The following AP1S3 variants were observed in gnomAD, a reference collection of about 807,000 sequenced individuals.
The protein encoded by AP1S3 is adaptor related protein complex 1 subunit sigma 3, also known as AP-1 complex subunit sigma-3.
A neutral mutation model predicts 20.9 loss-of-function variants in AP1S3; 10 were observed. The ratio of observed to expected loss-of-function variants is 0.48; its 90% CI spans 0.29 to 0.81. The LOEUF is 0.81. AP1S3 is among the 30% of genes least tolerant of loss of function. The probability of loss-of-function intolerance (pLI) is 0.08; values close to 1 mark genes in which losing one functional copy is unlikely to be tolerated. For synonymous variants in AP1S3, 41 were observed against 61.5 expected (o/e 0.67, Z 1.56); for missense variants, 154 against 183.8 (o/e 0.84, Z 0.94).
At chr2:223,800,665 C>G (rs1463265801) in intron 1 of AP1S3, among the ~76,000 whole-genome samples, 1 of 152,090 alleles carries the variant, frequency 6.6e-6, no homozygotes, top group Non-Finnish European at 1.5e-5. Context: ...TCTTAGCAAA[C>G]TAGGAAGAGA....
At position 223,756,477 on chromosome 2, in the gene AP1S3, A is replaced by G. The variant is rs763751477; in HGVS notation, c.*2238T>C. On this transcript the variant is annotated 3_prime_UTR_variant, in exon 5 of 5. Coordinates refer to ENST00000396654, the MANE Select transcript of AP1S3 (RefSeq NM_001039569.2). ...AGAAAGAAAGAAAGAAAAGAAAGAA[A>G]GAAAGAAAAAAAGAAAGAAAAAATT... is the stretch of plus-strand genomic sequence containing the variant. 3.4e-5 allele frequency: 32 copies of G among 946,138 alleles called. No individual in the cohort carries two copies. The highest frequency in any genetic ancestry group is 5.3e-4 in the Middle Eastern group (1 of 1,870). The allele number at this position is 946,138 out of a possible 1,614,324, so 58.6% of individuals were successfully genotyped here. A position where few individuals can be genotyped will look rare whatever the true frequency, so the allele number is the denominator to read the frequency against.
intron 1 of AP1S3, among the ~76,000 whole-genome samples, chr2:223,794,848 G>C (rs936369411): frequency 1.3e-5 from 2 of 152,178 alleles, no homozygotes; most frequent in African/African-American, 4.8e-5. Context: ...TTTCTGAAAA[G>C]TGGAAAGGAG....
At chr2:223,815,695 C>T (rs1691827390) in intron 1 of AP1S3, among the ~76,000 whole-genome samples, 1 of 152,184 alleles carries the variant, frequency 6.6e-6, no homozygotes, top group South Asian at 2.1e-4. Context: ...CTGTATTCCA[C>T]AGAATATAAT....
chr2:223,765,370 C>A lies in AP1S3; in HGVS notation c.292-20G>T, dbSNP rs893444184. 1 of 1,589,432 alleles carries A rather than the reference C, an allele frequency of 6.3e-7. No individual in the cohort carries two copies. The highest frequency in any genetic ancestry group is 2.3e-5 in the East Asian group (1 of 44,232). On this transcript the variant is annotated intron_variant, in intron 3 of 4. Coordinates refer to ENST00000396654, the MANE Select transcript of AP1S3 (RefSeq NM_001039569.2). Reference sequence around the variant, plus strand: ...ACAGACCTGGTGGGACAAAAACAAACGTTTTGATAAACTTGCAGTTGTATC... The same window carrying A: ...ACAGACCTGGTGGGACAAAAACAAAAGTTTTGATAAACTTGCAGTTGTATC...
intron 1 of AP1S3, among the ~76,000 whole-genome samples, chr2:223,800,213 T>TAAAAAAAAA (rs59645201): frequency 6.0e-5 from 8 of 132,816 alleles, no homozygotes; most frequent in African/African-American, 2.2e-4. Context: ...AGATTGCGTC[T>TAAAAAAAAA]AAAAAAAAAA....
intron 1 of AP1S3, among the ~76,000 whole-genome samples, chr2:223,797,823 T>C (rs962229991): frequency 3.3e-5 from 5 of 152,222 alleles, no homozygotes; most frequent in African/African-American, 1.2e-4. Flanking sequence ...CAAAGCACAC[T>C]GTGTGTGGAT....
chr2:223,778,132 G>A (rs1432112406), intron 1 of AP1S3, among the ~76,000 whole-genome samples: 1 of 149,560 alleles, frequency 6.7e-6, no homozygotes, highest in Admixed American at 6.7e-5. Context: ...TTGTTTGTTT[G>A]TTTGTTTTTT....
rs1474407383 is a variant in AP1S3 at position 223,755,554 on chromosome 2, A to C, written c.*3161T>G. On this transcript the variant is annotated 3_prime_UTR_variant, in exon 5 of 5. Transcript: ENST00000396654. ...ATTTTTTTTTTTTTTTTTTTGAGAC[A>C]GGGTCTCACTCTGTCACCCGGGCTG... Among the ~76,000 whole-genome samples, 3 of 135,920 alleles carry C rather than the reference A, an allele frequency of 2.2e-5. No individual in the cohort carries two copies. 89.2% of individuals were successfully genotyped at this position (135,920 alleles called of 152,430 possible).
rs1169493760 is a variant in AP1S3 at position 223,756,544 on chromosome 2, TA to T, written c.*2170del. ...TTAAACCACAAAACTGAAGGTTAGCTAAAGTAAACACAGTGGTCAATCATAC... is the reference window on the plus strand; with the variant it reads ...TTAAACCACAAAACTGAAGGTTAGCTAAGTAAACACAGTGGTCAATCATAC... On this transcript the variant is annotated 3_prime_UTR_variant, in exon 5 of 5. Coordinates refer to ENST00000396654, the MANE Select transcript of AP1S3 (RefSeq NM_001039569.2). 2.0e-6 allele frequency: 2 copies of T among 985,282 alleles called. No individual in the cohort carries two copies. The highest frequency in any genetic ancestry group is 2.4e-6 in the Non-Finnish European group (2 of 829,926). 61.0% of individuals were successfully genotyped at this position (985,282 alleles called of 1,614,324 possible). A position where few individuals can be genotyped will look rare whatever the true frequency, so the allele number is the denominator to read the frequency against.
chr2:223,809,415 C>T (rs761262736), intron 1 of AP1S3, among the ~76,000 whole-genome samples: 2 of 152,172 alleles, frequency 1.3e-5, no homozygotes, highest in Admixed American at 6.5e-5. Context: ...GAGGCCAAGG[C>T]GGGCAGATCA....
chr2:223,816,330 C>T (rs189868813), intron 1 of AP1S3, among the ~76,000 whole-genome samples: 204 of 124,656 alleles, frequency 1.6e-3, no homozygotes, highest in African/African-American at 5.9e-3. Flanking sequence ...CCTTCCTCCC[C>T]CATGCTTCTG....
At chr2:223,829,691 G>A (rs901460786) in intron 1 of AP1S3, among the ~76,000 whole-genome samples, 1 of 151,584 alleles carries the variant, frequency 6.6e-6, no homozygotes, top group Admixed American at 6.6e-5. Flanking sequence ...TTAAAAATTA[G>A]CTGGGTAAGG....
intron 1 of AP1S3, among the ~76,000 whole-genome samples, chr2:223,816,770 A>C (rs921532609): frequency 2.6e-5 from 4 of 152,230 alleles, no homozygotes; most frequent in African/African-American, 9.6e-5. Context: ...ATAACACCAG[A>C]GTCAACATAC....
intron 1 of AP1S3, among the ~76,000 whole-genome samples, chr2:223,815,117 AC>A (rs1255369589): frequency 6.6e-6 from 1 of 152,206 alleles, no homozygotes; most frequent in African/African-American, 2.4e-5. Flanking sequence ...TTTGACTTAG[AC>A]TTTCGATTGA....
chr2:223,791,484 C>G lies in AP1S3; in HGVS notation c.4-13615G>C, dbSNP rs192063494. Among the ~76,000 whole-genome samples, 610 of 152,252 alleles carry G rather than the reference C, an allele frequency of 4.0e-3. 7 individuals are homozygous for G. Among genetic ancestry groups the G allele is most frequent in the African/African-American group, 0.014 (571 of 41,540 alleles). On this transcript the variant is annotated intron_variant, in intron 1 of 4. Transcript: ENST00000396654. ...AAAGCCCTTTGATAAAATTCAACAT[C>G]CCTTCATGTTAAAAACTCTCAATAA...
intron 3 of AP1S3, among the ~76,000 whole-genome samples, chr2:223,766,702 T>G (rs1038605784): frequency 6.6e-6 from 1 of 152,252 alleles, no homozygotes; most frequent in African/African-American, 2.4e-5. Context: ...ATCCCATTAC[T>G]GGGTATATAC....
chr2:223,803,396 A>C (rs1233836159), intron 1 of AP1S3, among the ~76,000 whole-genome samples: 1 of 152,216 alleles, frequency 6.6e-6, no homozygotes, highest in African/African-American at 2.4e-5. Flanking sequence ...GTTACTGCTC[A>C]AAATTCCATA....
At chr2:223,770,080 G>A (rs910308389) in intron 3 of AP1S3, 1 of 1,421,888 alleles carries the variant, frequency 7.0e-7, no homozygotes, top group Admixed American at 2.7e-5. Context: ...TGTTTAGAGG[G>A]ACATGTAAAA....
intron 2 of AP1S3, 40 bp downstream of exon 2, chr2:223,777,651 G>C (rs775177562): frequency 1.9e-6 from 3 of 1,580,436 alleles, no homozygotes; most frequent in Non-Finnish European, 2.6e-6. Context: ...ACAAACCAAA[G>C]TAAGACTGAG....
Sources: allele counts gnomAD v4.1 joint callset (sites outside exome capture counted in the v4.1 genomes callset), GRCh38; gene constraint gnomAD v4.1.1; transcripts MANE v1.5; gene names NCBI Gene and HGNC (gene_info 2026-07-23, HGNC 2026-07-21).